ANKS1B: variants seen among roughly 807,000 people sequenced by gnomAD.
ANKS1B encodes ankyrin repeat and sterile alpha motif domain containing 1B.
Under a neutral mutation model 148.3 loss-of-function variants are expected in ANKS1B, and 36 were observed. That is an observed-to-expected ratio of 0.24 (90% CI 0.19 to 0.32). ANKS1B has a LOEUF of 0.32. ANKS1B is among the 10% of genes least tolerant of loss of function. ANKS1B has a pLI of 1.00. For missense variants in ANKS1B, 1,157 were observed against 1,542.6 expected (o/e 0.75, Z 4.19); for synonymous variants, 542 against 560.8 (o/e 0.97, Z 0.47).
At chr12:99,178,397 T>TG (rs1202000721) in intron 14 of ANKS1B, among the ~76,000 whole-genome samples, 1 of 152,198 alleles carries the variant, frequency 6.6e-6, no homozygotes, top group African/African-American at 2.4e-5. Context: ...TGGCACCTCA[T>TG]GGGGAACCTG....
rs1187280524 is a variant in ANKS1B at position 99,134,643 on chromosome 12, TCTCACACA to T, written c.2526+19638_2526+19645del. On this transcript the variant is annotated intron_variant, in intron 15 of 26. Coordinates refer to ENST00000683438, the MANE Select transcript of ANKS1B (RefSeq NM_001352186.2). ...ATCCCTTTCTGTCTCTCTCTCTCTC[TCTCACACA>T]CACACACACACACACACACACACAC... 8.0e-3 allele frequency among the ~76,000 whole-genome samples: 667 copies of T among 83,014 alleles called. 6 individuals carry two copies. In the East Asian group the frequency reaches 0.083, roughly 10 times the overall value. The allele number at this position is 83,014 out of a possible 152,430, so 54.5% of individuals were successfully genotyped here. A position where few individuals can be genotyped will look rare whatever the true frequency, so the allele number is the denominator to read the frequency against.
At chr12:99,715,143 T>A (rs113976395) in intron 8 of ANKS1B, among the ~76,000 whole-genome samples, 88 of 96,284 alleles carry the variant, frequency 9.1e-4, no homozygotes, top group African/African-American at 3.0e-3. Flanking sequence ...TAAAAAATAA[T>A]AAATAAATAA....
Position 99,443,933 on chromosome 12 carries a change from T to C in ANKS1B, c.1439-124A>G, listed in dbSNP as rs1294430981. ...AAAACTGGTATCAATTACAAGATCA[T>C]AATGAGGAATATGCTCAGTAGTATA... is the stretch of plus-strand genomic sequence containing the variant. On this transcript the variant is annotated intron_variant, in intron 10 of 26. Transcript: ENST00000683438. 1.0e-5 allele frequency: 11 copies of C among 1,086,102 alleles called. No individual in the cohort carries two copies. In the East Asian group the frequency reaches 2.4e-4, roughly 24 times the overall value. 67.3% of individuals were successfully genotyped at this position (1,086,102 alleles called of 1,614,324 possible).
At chr12:99,380,690 C>A (rs2093603349) in intron 12 of ANKS1B, among the ~76,000 whole-genome samples, 1 of 150,444 alleles carries the variant, frequency 6.6e-6, no homozygotes, top group African/African-American at 2.5e-5. Flanking sequence ...TTTAGCCACA[C>A]CTAAACTTAT....
chr12:99,812,060 G>A (rs2068440383), intron 3 of ANKS1B, 95 bp downstream of exon 3: 59 of 1,433,098 alleles, frequency 4.1e-5, no homozygotes, highest in Non-Finnish European at 5.3e-5. Flanking sequence ...AAAGGCCTTT[G>A]GGCAAGGTAA....
intron 1 of ANKS1B, among the ~76,000 whole-genome samples, chr12:99,831,841 G>T (rs979181850): frequency 1.7e-4 from 26 of 152,060 alleles, no homozygotes; most frequent in African/African-American, 6.3e-4. Context: ...ATATGTGACA[G>T]ATAAACAGAT....
chr12:99,393,096 T>TGATAGATA (rs143927175), intron 12 of ANKS1B, among the ~76,000 whole-genome samples: 10,674 of 150,632 alleles, frequency 0.071, 561 homozygotes, highest in East Asian at 0.22. Flanking sequence ...GATAGACAGA[T>TGATAGATA]GATAGATAGA....
chr12:99,963,091 G>A (rs1315796332), intron 1 of ANKS1B, among the ~76,000 whole-genome samples: 1 of 152,200 alleles, frequency 6.6e-6, no homozygotes, highest in African/African-American at 2.4e-5. Context: ...GGGATTACAG[G>A]CGTGAGCCAC....
chr12:99,461,084 G>A (rs2095957993), intron 10 of ANKS1B, among the ~76,000 whole-genome samples: 1 of 151,256 alleles, frequency 6.6e-6, no homozygotes, highest in South Asian at 2.1e-4. Context: ...ACACACCATG[G>A]AATACTACTT....
At chr12:99,351,369 C>A (rs977557307) in intron 12 of ANKS1B, among the ~76,000 whole-genome samples, 1 of 150,942 alleles carries the variant, frequency 6.6e-6, no homozygotes, top group African/African-American at 2.4e-5. Flanking sequence ...TGGGGGTGGT[C>A]TTTTATAATT....
intron 15 of ANKS1B, among the ~76,000 whole-genome samples, chr12:99,105,675 A>T (rs2153688384): frequency 6.7e-6 from 1 of 149,894 alleles, no homozygotes; most frequent in South Asian, 2.2e-4. Flanking sequence ...AGGCTGAGGC[A>T]GGAGAATAGC....
At chr12:99,581,977 T>C (rs1184438101) in intron 9 of ANKS1B, among the ~76,000 whole-genome samples, 6 of 151,624 alleles carry the variant, frequency 4.0e-5, no homozygotes, top group African/African-American at 1.5e-4. Flanking sequence ...GATAAAACAC[T>C]TGTATCAAAA....
At chr12:99,475,960 T>C (rs936211125) in intron 10 of ANKS1B, among the ~76,000 whole-genome samples, 3 of 152,054 alleles carry the variant, frequency 2.0e-5, no homozygotes, top group Non-Finnish European at 2.9e-5. Context: ...GATTACAGAA[T>C]TGATTTTAAA....
chr12:98,871,293 TTTATG>T (rs2152385324), intron 17 of ANKS1B, among the ~76,000 whole-genome samples: 1 of 152,346 alleles, frequency 6.6e-6, no homozygotes, highest in East Asian at 1.9e-4. Context: ...TAAAGCATGA[TTTATG>T]TTGATATTTA....
At chr12:99,495,370 T>TGTGTGC (rs1211152397) in intron 10 of ANKS1B, among the ~76,000 whole-genome samples, 1 of 151,656 alleles carries the variant, frequency 6.6e-6, no homozygotes, top group Non-Finnish European at 1.5e-5. Flanking sequence ...TGTGTGTGTG[T>TGTGTGC]GTGTGTGTGT....
At chr12:98,947,858 T>C (rs565165145) in intron 17 of ANKS1B, among the ~76,000 whole-genome samples, 1 of 152,298 alleles carries the variant, frequency 6.6e-6, no homozygotes, top group South Asian at 2.1e-4. Flanking sequence ...GGACTCAGCA[T>C]CTGTACATGG....
rs1447769068 is a variant in ANKS1B at position 98,884,881 on chromosome 12, CCT to C, written c.2779-52747_2779-52746del. Among the ~76,000 whole-genome samples, 15 of 151,948 alleles carry C rather than the reference CCT, an allele frequency of 9.9e-5. No homozygotes were observed. The East Asian group carries it at 1.3e-3, about 14-fold the overall frequency. Reference sequence around the variant, plus strand: ...GTGTATCTAGCATCCTGATCTTTCCCCTGAGTTCCAGACTAGTAGACCCAATG... The same window carrying C: ...GTGTATCTAGCATCCTGATCTTTCCCGAGTTCCAGACTAGTAGACCCAATG... On this transcript the variant is annotated intron_variant, in intron 17 of 26. Coordinates refer to ENST00000683438, the MANE Select transcript of ANKS1B (RefSeq NM_001352186.2).
chr12:99,653,291 ATAG>A (rs1347260526), intron 9 of ANKS1B, among the ~76,000 whole-genome samples: 2 of 152,228 alleles, frequency 1.3e-5, no homozygotes, highest in African/African-American at 4.8e-5. Flanking sequence ...TCTGGCTAAT[ATAG>A]TAAATACCCT....
chr12:99,401,214 G>A (rs1366397134), intron 11 of ANKS1B, among the ~76,000 whole-genome samples: 1 of 146,142 alleles, frequency 6.8e-6, no homozygotes, highest in African/African-American at 2.6e-5. Context: ...AGGGTTTAAT[G>A]TCAGGCTTGG....
Sources: gnomAD v4.1 joint callset for allele counts (sites outside exome capture counted in the v4.1 genomes callset) on GRCh38, gnomAD v4.1.1 for gene constraint, MANE v1.5 for transcripts, NCBI Gene and HGNC (gene_info 2026-07-23, HGNC 2026-07-21) for gene names.